The following KBTBD12 variants were observed in gnomAD, a reference collection of about 807,000 sequenced individuals.
KBTBD12 encodes the protein kelch repeat and BTB domain containing 12, also known as kelch repeat and BTB domain-containing protein 12.
Under a neutral mutation model 58.7 loss-of-function variants are expected in KBTBD12, and 53 were observed. That is an observed-to-expected ratio of 0.90 (90% CI 0.72 to 1.14). KBTBD12 has a LOEUF of 1.14. KBTBD12 is among the 50% of genes most tolerant of loss of function. KBTBD12 has a pLI of 0.00. For synonymous variants in KBTBD12, 236 were observed against 259.8 expected (o/e 0.91, Z 0.88); for missense variants, 704 against 751.3 (o/e 0.94, Z 0.74).
At chr3:127,918,187 C>G (rs530743206) in intron 1 of KBTBD12, among the ~76,000 whole-genome samples, 6 of 152,116 alleles carry the variant, frequency 3.9e-5, no homozygotes, top group Admixed American at 2.0e-4. Flanking sequence ...ACAGAAGTGA[C>G]GAAGACAAGT....
rs190038711 is a variant in KBTBD12 at position 127,944,940 on chromosome 3, G to A, written c.1492+14657G>A. ...TCTGTTGCTCAGGCTAGAGTCCGTG[G>A]CACAATCATGGCTCACTGTAGCCTC... is the stretch of plus-strand genomic sequence containing the variant. On this transcript the variant is annotated intron_variant, in intron 4 of 5. Coordinates refer to ENST00000405109, the MANE Select transcript of KBTBD12 (RefSeq NM_207335.4). Among the ~76,000 whole-genome samples, 21 of 151,382 alleles carry A rather than the reference G, an allele frequency of 1.4e-4. No homozygotes were observed. The East Asian group carries it at 4.1e-3, about 29-fold the overall frequency.
chr3:127,915,723 T>A (rs989594778), intron 1 of KBTBD12, 137 bp downstream of exon 1: 1 of 152,162 alleles, frequency 6.6e-6, no homozygotes, highest in African/African-American at 2.4e-5. Context: ...TTCCTTCGAG[T>A]CGCAGTGGGC....
chr3:127,933,918 C>CA (rs1467987471), intron 4 of KBTBD12, among the ~76,000 whole-genome samples: 2 of 151,912 alleles, frequency 1.3e-5, no homozygotes, highest in Non-Finnish European at 2.9e-5. Flanking sequence ...AAAAGGCAGT[C>CA]AAAAAACGGA....
chr3:127,983,551 G>A (rs1051276485), intron 5 of KBTBD12, among the ~76,000 whole-genome samples: 1 of 152,106 alleles, frequency 6.6e-6, no homozygotes, highest in East Asian at 1.9e-4. Context: ...TCAGGAGTTC[G>A]AGACCAGCCT....
At chr3:127,943,161 G>C (rs1939994244) in intron 4 of KBTBD12, among the ~76,000 whole-genome samples, 1 of 152,138 alleles carries the variant, frequency 6.6e-6, no homozygotes, top group Admixed American at 6.5e-5. Context: ...CCAAACTATA[G>C]CAGTCTCTTT....
At chr3:127,926,353 T>C (rs1167187789) in intron 2 of KBTBD12, among the ~76,000 whole-genome samples, 1 of 152,214 alleles carries the variant, frequency 6.6e-6, no homozygotes, top group Non-Finnish European at 1.5e-5. Context: ...TATATATTAA[T>C]TCAGTTGGCT....
intron 4 of KBTBD12, among the ~76,000 whole-genome samples, chr3:127,944,527 T>G (rs1940028151): frequency 6.6e-6 from 1 of 152,240 alleles, no homozygotes; most frequent in South Asian, 2.1e-4. Context: ...GTGTTGATTT[T>G]GTATCCTGTA....
rs908984613 is a variant in KBTBD12, at chr3:127,987,616, T to C, written c.*3338T>C. On this transcript the variant is annotated 3_prime_UTR_variant, in exon 6 of 6. Coordinates refer to ENST00000405109, the MANE Select transcript of KBTBD12 (RefSeq NM_207335.4). ...GGCATTGTTCTCCCTGACTTCATAA[T>C]GAGCAAATGTTTCACATTTGAACTT... 1.3e-5 allele frequency: 2 copies of C among 152,262 alleles called. No individual in the cohort carries two copies. Among genetic ancestry groups the C allele is most frequent in the Admixed American group, 1.3e-4 (2 of 15,290 alleles). The allele number at this position is 152,262 out of a possible 1,614,324, so 9.4% of individuals were successfully genotyped here.
rs370967346 is a variant in KBTBD12 at position 127,985,187 on chromosome 3, C to T, written c.*909C>T. On this transcript the variant is annotated 3_prime_UTR_variant, in exon 6 of 6. Coordinates refer to ENST00000405109, the MANE Select transcript of KBTBD12 (RefSeq NM_207335.4). ...GCAGGGTAGTCCTGGCTGAACAGGACTCGCCCAAGCCACCCAAGCCAGGGA... is the reference window on the plus strand; with the variant it reads ...GCAGGGTAGTCCTGGCTGAACAGGATTCGCCCAAGCCACCCAAGCCAGGGA... 1.3e-5 allele frequency: 2 copies of T among 152,424 alleles called. No individual in the cohort carries two copies. The highest frequency in any genetic ancestry group is 6.5e-5 in the Admixed American group (1 of 15,304). 9.4% of individuals were successfully genotyped at this position (152,424 alleles called of 1,614,324 possible). A position where few individuals can be genotyped will look rare whatever the true frequency, so the allele number is the denominator to read the frequency against.
intron 4 of KBTBD12, among the ~76,000 whole-genome samples, chr3:127,951,253 C>T (rs759866158): frequency 1.3e-5 from 2 of 152,162 alleles, no homozygotes; most frequent in Non-Finnish European, 2.9e-5. Context: ...TTATTGATTA[C>T]TTAGTGTAGG....
intron 5 of KBTBD12, among the ~76,000 whole-genome samples, chr3:127,976,372 G>T (rs1043795189): frequency 2.0e-5 from 3 of 152,066 alleles, no homozygotes; most frequent in African/African-American, 7.2e-5. Context: ...ATGTCGACAC[G>T]CCCTTTTTCC....
At chr3:127,947,930 A>T (rs192839800) in intron 4 of KBTBD12, among the ~76,000 whole-genome samples, 1 of 152,294 alleles carries the variant, frequency 6.6e-6, no homozygotes, top group East Asian at 1.9e-4. Flanking sequence ...CACCTCTCCG[A>T]TGCCTTTCAA....
rs188674496 is a variant in KBTBD12, at chr3:127,944,437, G to A, written c.1492+14154G>A. On this transcript the variant is annotated intron_variant, in intron 4 of 5. Transcript: ENST00000405109. The stretch of plus-strand genomic sequence containing the variant: ...TTATTTCTAAGTATTTTATCCTTTT[G>A]GGTACTGTTGTAAATGAGATTTCTC... 1.1e-3 allele frequency among the ~76,000 whole-genome samples: 162 copies of A among 151,982 alleles called. 1 individual carries two copies. The highest frequency in any genetic ancestry group is 3.6e-3 in the African/African-American group (148 of 41,448).
Position 127,923,637 on chromosome 3 carries a change from G to C in KBTBD12, c.576G>C (p.Glu192Asp). Residue 192 changes from glutamate to aspartate, a missense_variant, in exon 2 of 6, where the codon GAG (glutamate) becomes GAC (aspartate). Transcript: ENST00000405109. The stretch of plus-strand genomic sequence containing the variant: ...ATGATCTTAACATATCCAGAGAAGA[G>C]AGCATTCTGGACTTAGTTCTGAGAT... ...KSDDLNISRE[E>D]SILDLVLRWV... 6.2e-7 allele frequency: 1 copy of C among 1,613,644 alleles called. No individual in the cohort carries two copies. The highest frequency in any genetic ancestry group is 8.5e-7 in the Non-Finnish European group (1 of 1,179,734).
At chr3:127,956,307 C>T (rs985634190) in intron 4 of KBTBD12, among the ~76,000 whole-genome samples, 1 of 152,030 alleles carries the variant, frequency 6.6e-6, no homozygotes, top group East Asian at 1.9e-4. Context: ...TCATTGATAT[C>T]CCACAAGTTC....
chr3:127,958,110 G>A (rs1055666005), intron 4 of KBTBD12, among the ~76,000 whole-genome samples: 2 of 152,160 alleles, frequency 1.3e-5, no homozygotes, highest in African/African-American at 4.8e-5. Flanking sequence ...GGTGCCTCAG[G>A]GGCAGGGGCG....
chr3:127,976,463 C>T (rs1484085315), intron 5 of KBTBD12, among the ~76,000 whole-genome samples: 1 of 152,102 alleles, frequency 6.6e-6, no homozygotes. Flanking sequence ...GATGTCTATC[C>T]GATATTCCTG....
At chr3:127,975,767 C>CT (rs200666055) in intron 5 of KBTBD12, among the ~76,000 whole-genome samples, 2,417 of 152,294 alleles carry the variant, frequency 0.016, 24 homozygotes, top group Non-Finnish European at 0.023. Context: ...TCTCCGAACT[C>CT]TATCAAGCTA....
In KBTBD12 at chr3:127,923,585, A is replaced by C. The variant is rs1442631156; in HGVS notation, c.524A>C (p.His175Pro). 1 of 1,613,578 alleles carries C rather than the reference A, an allele frequency of 6.2e-7. No individual in the cohort carries two copies. The highest frequency in any genetic ancestry group is 8.5e-7 in the Non-Finnish European group (1 of 1,179,726). ...LHEEILEIEV[H>P]QFLTLIKSDD... The stretch of plus-strand genomic sequence containing the variant: ...GAAGAAATACTAGAAATCGAAGTGC[A>C]CCAATTTTTGACACTTATTAAATCA... The change falls in exon 2 of 6, where the codon CAC becomes CCC. Residue 175 changes from histidine to proline, a missense_variant. His to Pro is a moderately conservative substitution (Grantham distance 77). Transcript: ENST00000405109.
Sources: gnomAD v4.1 joint callset for allele counts (sites outside exome capture counted in the v4.1 genomes callset) on GRCh38, gnomAD v4.1.1 for gene constraint, MANE v1.5 for transcripts, NCBI Gene and HGNC (gene_info 2026-07-23, HGNC 2026-07-21) for gene names.